SV2B: variants seen among roughly 807,000 people sequenced by gnomAD.
SV2B encodes solute carrier family 22 member B2.
A neutral mutation model predicts 73.9 loss-of-function variants in SV2B; 41 were observed. The ratio of observed to expected loss-of-function variants is 0.56; its 90% CI spans 0.43 to 0.72. The LOEUF is 0.72. Among genes scored for constraint, SV2B ranks in the 30% least tolerant of loss-of-function variants. SV2B has a pLI of 0.00. For synonymous variants in SV2B, 314 were observed against 314.2 expected, an observed-to-expected ratio of 1.00 and a Z score of 0.01; for missense variants, 764 against 857.8, an observed-to-expected ratio of 0.89 and a Z score of 1.37.
rs2046561111 is a variant in SV2B at position 91,231,219 on chromosome 15, T to G, written c.451+4505T>G. On this transcript the variant is annotated intron_variant, in intron 2 of 12. Coordinates refer to ENST00000394232, the MANE Select transcript of SV2B (RefSeq NM_001323032.3). The surrounding 1 kb of genome is among the most constrained non-coding windows in gnomAD (Gnocchi z 4.5). ...ACAAATGACATCACTGACAACGGAT[T>G]GCCATGTTTAGGAGTGCGGACTTGA... Among the ~76,000 whole-genome samples the G allele has an allele frequency of 6.6e-6, 1 of 152,182 alleles. No homozygotes were observed. The highest frequency in any genetic ancestry group is 2.4e-5 in the African/African-American group (1 of 41,446).
At chr15:91,135,929 G>A (rs1434435614) in intron 1 of SV2B, among the ~76,000 whole-genome samples, 1 of 152,162 alleles carries the variant, frequency 6.6e-6, no homozygotes, top group Non-Finnish European at 1.5e-5. Flanking sequence ...CTAGGAGGAA[G>A]TGCTGTTAGC....
intron 1 of SV2B, among the ~76,000 whole-genome samples, chr15:91,150,801 G>T (rs938759869): frequency 6.6e-6 from 1 of 152,192 alleles, no homozygotes; most frequent in Admixed American, 6.5e-5. Flanking sequence ...CTTAGATATG[G>T]GTGCAGAGGA....
At chr15:91,210,350 G>A (rs1490852246) in intron 1 of SV2B, among the ~76,000 whole-genome samples, 1 of 151,890 alleles carries the variant, frequency 6.6e-6, no homozygotes, top group East Asian at 1.9e-4. Flanking sequence ...GCAGGAGGTG[G>A]TAAGTAGTTC....
intron 9 of SV2B, among the ~76,000 whole-genome samples, chr15:91,270,344 ATC>A (rs1168046089): frequency 6.6e-6 from 1 of 152,264 alleles, no homozygotes; most frequent in African/African-American, 2.4e-5. Context: ...TTACGTAGAT[ATC>A]TCACAAAACT....
chr15:91,215,783 G>A (rs965007814), intron 1 of SV2B, among the ~76,000 whole-genome samples: 8 of 152,056 alleles, frequency 5.3e-5, no homozygotes, highest in Admixed American at 3.3e-4. Flanking sequence ...GTTATGTGAC[G>A]TATGGCTTGT....
In SV2B at chr15:91,220,950, G is replaced by A. The variant is rs1403978143; in HGVS notation, c.-391-4923G>A. Among the ~76,000 whole-genome samples, 6 of 152,116 alleles carry A rather than the reference G, an allele frequency of 3.9e-5. No individual in the cohort carries two copies. Among genetic ancestry groups the A allele is most frequent in the Non-Finnish European group, 5.9e-5 (4 of 68,006 alleles). ...ATGATCTTGGCTCACTGCAACCTCC[G>A]CCTCCTGGGATCAAGTGATCTTCCT... On this transcript the variant is annotated intron_variant, in intron 1 of 12. Transcript: ENST00000394232. This position sits in a 1 kb window ranked among gnomAD's most constrained non-coding sequence, Gnocchi z 4.1.
At chr15:91,190,247 G>C (rs74786996) in intron 1 of SV2B, among the ~76,000 whole-genome samples, 1 of 151,840 alleles carries the variant, frequency 6.6e-6, no homozygotes, top group Non-Finnish European at 1.5e-5. Flanking sequence ...ATCTACCTTG[G>C]ATTATTACAT....
In SV2B at chr15:91,247,675, T is replaced by C. The variant is rs73520020; in HGVS notation, c.452-4144T>C. The stretch of plus-strand genomic sequence containing the variant: ...CTCTGCTAATTGGATGCAGCTGCTA[T>C]CTAGAAAGGAATTGCTGCAGTCAGG... On this transcript the variant is annotated intron_variant, in intron 2 of 12. Coordinates refer to ENST00000394232, the MANE Select transcript of SV2B (RefSeq NM_001323032.3). Among the ~76,000 whole-genome samples, 805 of 152,300 alleles carry C rather than the reference T, an allele frequency of 5.3e-3. 5 individuals are homozygous for C. The highest frequency in any genetic ancestry group is 0.018 in the African/African-American group (768 of 41,572).
At chr15:91,104,549 T>G (rs1040004156) in intron 1 of SV2B, among the ~76,000 whole-genome samples, 4 of 152,246 alleles carry the variant, frequency 2.6e-5, no homozygotes, top group African/African-American at 7.2e-5. Context: ...ATAGTCACAT[T>G]GCAAAATGTA....
rs1418643737 is a variant in SV2B at position 91,301,315 on chromosome 15, G to C, written c.*8763G>C. The C allele has an allele frequency of 6.6e-6, 1 of 152,066 alleles. No homozygotes were observed. Among genetic ancestry groups the C allele is most frequent in the Admixed American group, 6.5e-5 (1 of 15,276 alleles). The allele number at this position is 152,066 out of a possible 1,614,324, so 9.4% of individuals were successfully genotyped here. ...ATGTGAACTGACAAAACCCACTTTT[G>C]GTCTCTCTTCATATTTTTCGTGGTT... On this transcript the variant is annotated 3_prime_UTR_variant, in exon 13 of 13. Coordinates refer to ENST00000394232, the MANE Select transcript of SV2B (RefSeq NM_001323032.3). This position sits in a 1 kb window ranked among gnomAD's most constrained non-coding sequence, Gnocchi z 4.3.
At chr15:91,243,538 T>G (rs988900193) in intron 2 of SV2B, among the ~76,000 whole-genome samples, 1 of 152,166 alleles carries the variant, frequency 6.6e-6, no homozygotes, top group African/African-American at 2.4e-5. Context: ...ATCCTTTCTA[T>G]TGCAGCTGCT....
chr15:91,284,089 T>C lies in SV2B; in HGVS notation c.1576T>C (p.Cys526Arg). 1.2e-6 allele frequency: 2 copies of C among 1,614,224 alleles called. No individual in the cohort carries two copies. Among genetic ancestry groups the C allele is most frequent in the Non-Finnish European group, 1.7e-6 (2 of 1,180,052 alleles). ...NSTFLEQKEG[C>R]HMDLEQDNDF... ...CACCTTCCTGGAGCAGAAGGAGGGC[T>C]GCCACATGGACTTGGAGCAAGATAA... The change falls in exon 11 of 13, where the codon TGC becomes CGC. Residue 526 changes from cysteine to arginine, a missense_variant. Cys to Arg is a radical substitution (Grantham distance 180, BLOSUM62 -3). Transcript: ENST00000394232. This position sits in a 1 kb window ranked among gnomAD's most constrained non-coding sequence, Gnocchi z 4.5.
At chr15:91,133,649 G>A (rs1030868551) in intron 1 of SV2B, among the ~76,000 whole-genome samples, 3 of 152,118 alleles carry the variant, frequency 2.0e-5, no homozygotes, top group African/African-American at 4.8e-5. Flanking sequence ...GCAGGTGCTC[G>A]CTGGCTGCTG....
chr15:91,286,388 A>T (rs16945519), intron 11 of SV2B, among the ~76,000 whole-genome samples: 29 of 152,292 alleles, frequency 1.9e-4, no homozygotes, highest in African/African-American at 6.5e-4. Flanking sequence ...TCTTGTTATC[A>T]GCGGAGTAGA....
intron 1 of SV2B, among the ~76,000 whole-genome samples, chr15:91,210,624 C>T (rs2045821603): frequency 6.6e-6 from 1 of 152,154 alleles, no homozygotes; most frequent in Non-Finnish European, 1.5e-5. Context: ...TCCCAGCCTC[C>T]CTTAACCTCG....
Position 91,258,923 on chromosome 15 carries a change from CAAAAA to C in SV2B, c.918+384_918+388del, listed in dbSNP as rs3082222. Among the ~76,000 whole-genome samples the C allele has an allele frequency of 1.1e-5, 1 of 89,204 alleles. No homozygotes were observed. 58.5% of individuals were successfully genotyped at this position (89,204 alleles called of 152,430 possible). A position where few individuals can be genotyped will look rare whatever the true frequency, so the allele number is the denominator to read the frequency against. On this transcript the variant is annotated intron_variant, in intron 5 of 12. Transcript: ENST00000394232. This position sits in a 1 kb window ranked among gnomAD's most constrained non-coding sequence, Gnocchi z 4.7. ...GCTACACAGGGAGACCTCATCTCTA[CAAAAA>C]AAAAAAAAAAAAAATTAGTTGAGCG...
In SV2B at chr15:91,100,661, C is replaced by G. The variant is rs2041697661; in HGVS notation, c.-392+298C>G. ...AAGTAGTTTTGCAACTTATAAATGT[C>G]AGGCTGCTGGCATTTATAGCTCCGT... is the stretch of plus-strand genomic sequence containing the variant. On this transcript the variant is annotated intron_variant, in intron 1 of 12. Transcript: ENST00000394232. The surrounding 1 kb of genome is among the most constrained non-coding windows in gnomAD (Gnocchi z 6.4). 6.6e-6 allele frequency among the ~76,000 whole-genome samples: 1 copy of G among 152,246 alleles called. No individual in the cohort carries two copies. The highest frequency in any genetic ancestry group is 1.5e-5 in the Non-Finnish European group (1 of 68,046).
rs987933166 is a variant in SV2B at position 91,105,478 on chromosome 15, G to A, written c.-392+5115G>A. Among the ~76,000 whole-genome samples the A allele has an allele frequency of 1.3e-5, 2 of 152,198 alleles. No individual in the cohort carries two copies. Among genetic ancestry groups the A allele is most frequent in the Non-Finnish European group, 2.9e-5 (2 of 68,022 alleles). ...GTGGCTTATGTAGAAGGAACTGAACGAGACAGGGTGAGCGTGGGAGAAGAG... is the reference window on the plus strand; with the variant it reads ...GTGGCTTATGTAGAAGGAACTGAACAAGACAGGGTGAGCGTGGGAGAAGAG... On this transcript the variant is annotated intron_variant, in intron 1 of 12. Coordinates refer to ENST00000394232, the MANE Select transcript of SV2B (RefSeq NM_001323032.3). This position sits in a 1 kb window ranked among gnomAD's most constrained non-coding sequence, Gnocchi z 5.5.
At chr15:91,117,128 G>A (rs951147969) in intron 1 of SV2B, among the ~76,000 whole-genome samples, 2 of 152,196 alleles carry the variant, frequency 1.3e-5, no homozygotes, top group African/African-American at 4.8e-5. Context: ...ACTTAGAAGA[G>A]CACAGAGCCA....
Sources: gnomAD v4.1 joint callset for allele counts (sites outside exome capture counted in the v4.1 genomes callset) on GRCh38, gnomAD v4.1.1 for gene constraint, Gnocchi (gnomAD v3.1) non-coding constraint, MANE v1.5 for transcripts, NCBI Gene and HGNC (gene_info 2026-07-23, HGNC 2026-07-21) for gene names.